RAB37: variants seen among roughly 807,000 people sequenced by gnomAD.
RAB37 encodes ras-related protein Rab-37.
Under a neutral mutation model 33.1 loss-of-function variants are expected in RAB37, and 29 were observed. The observed-to-expected ratio is 0.88, with a 90% CI of 0.65 to 1.20. The LOEUF is 1.20. Among genes scored for constraint, RAB37 ranks in the 50% most tolerant of loss-of-function variants. The pLI is 0.00. For synonymous variants in RAB37, 128 were observed against 119.5 expected (o/e 1.07, Z -0.47); for missense variants, 299 against 301.1 (o/e 0.99, Z 0.05).
intron 1 of RAB37, among the ~76,000 whole-genome samples, chr17:74,724,677 C>A (rs936590575): frequency 6.6e-6 from 1 of 152,058 alleles, no homozygotes; most frequent in African/African-American, 2.4e-5. Flanking sequence ...CAATGTTTTG[C>A]GGGCAGGGAT....
In RAB37 at chr17:74,680,419, T is replaced by G. The variant is rs979608007; in HGVS notation, c.72+8761T>G. Among the ~76,000 whole-genome samples, 11 of 152,294 alleles carry G rather than the reference T, an allele frequency of 7.2e-5. No individual in the cohort carries two copies. In the South Asian group the frequency reaches 1.4e-3, roughly 20 times the overall value. ...TGATGTTAATCAGACTCACAAGACA[T>G]GTATTGCCCTAGATGCCAAGCCACA... On this transcript the variant is annotated intron_variant, in intron 1 of 7. Transcript: ENST00000340415.
intron 1 of RAB37, chr17:74,694,854 A>G: frequency 2.4e-6 from 1 of 411,640 alleles, no homozygotes; most frequent in Non-Finnish European, 4.3e-6. Flanking sequence ...AAAGCCCCAG[A>G]GCATATCCCT....
rs772711170 is a variant in RAB37, at chr17:74,704,369, GACTCAAGTGATAGATC to G, written c.73-24881_73-24866del. On this transcript the variant is annotated intron_variant, in intron 1 of 7. Coordinates refer to the RAB37 transcript ENST00000340415. ...TCAGTCAGGGTTCTATGAGACTCGG[GACTCAAGTGATAGATC>G]ACTCAGTGACAATTAAATCACTTGA... 359 of 822,170 alleles carry G rather than the reference GACTCAAGTGATAGATC, an allele frequency of 4.4e-4. 2 individuals are homozygous for G. Among genetic ancestry groups the G allele is most frequent in the Non-Finnish European group, 1.1e-4 (59 of 517,316 alleles). 50.9% of individuals were successfully genotyped at this position (822,170 alleles called of 1,614,324 possible). A position where few individuals can be genotyped will look rare whatever the true frequency, so the allele number is the denominator to read the frequency against.
Position 74,728,847 on chromosome 17 carries a change from T to C in RAB37, c.73-409T>C, listed in dbSNP as rs548988335. Among the ~76,000 whole-genome samples the C allele has an allele frequency of 3.3e-5, 5 of 152,198 alleles. No homozygotes were observed. In the East Asian group the frequency reaches 9.7e-4, roughly 29 times the overall value. On this transcript the variant is annotated intron_variant, in intron 1 of 7. Coordinates refer to the RAB37 transcript ENST00000340415. ...TCTGTGTCTGTATGTGTCTTGTGCA[T>C]GTATGTTTCTGTGCCATGTGTGTTC...
intron 1 of RAB37, among the ~76,000 whole-genome samples, chr17:74,692,943 G>C (rs1245084570): frequency 6.6e-6 from 1 of 152,138 alleles, no homozygotes; most frequent in Non-Finnish European, 1.5e-5. Flanking sequence ...ACAGTAACTA[G>C]GCACGGGGGA....
In RAB37 at chr17:74,744,155, A is replaced by C. The variant is rs2034690727; in HGVS notation, c.367-153A>C. ...GTTGAGCCACCAAGGAAGGCCATCC[A>C]GGCCTGGATGGGCCAGAACAAAGGT... On this transcript the variant is annotated intron_variant, in intron 5 of 8. Coordinates refer to ENST00000392613, the MANE Select transcript of RAB37 (RefSeq NM_001006638.3). This position sits in a 1 kb window ranked among gnomAD's most constrained non-coding sequence, Gnocchi z 4.2. Among the ~76,000 whole-genome samples, 1 of 152,162 alleles carries C rather than the reference A, an allele frequency of 6.6e-6. No individual in the cohort carries two copies. The highest frequency in any genetic ancestry group is 1.5e-5 in the Non-Finnish European group (1 of 68,032).
At chr17:74,703,571 A>G (rs1008668961) in intron 1 of RAB37, among the ~76,000 whole-genome samples, 1 of 152,202 alleles carries the variant, frequency 6.6e-6, no homozygotes, top group African/African-American at 2.4e-5. Context: ...TGAAATCATC[A>G]TATTCAGGAA....
intron 1 of RAB37, among the ~76,000 whole-genome samples, chr17:74,727,782 C>G (rs983012497): frequency 6.6e-6 from 1 of 152,106 alleles, no homozygotes; most frequent in Non-Finnish European, 1.5e-5. Context: ...AATAGAAAAT[C>G]GAGACTTTAG....
chr17:74,725,646 C>T (rs1426166711), intron 1 of RAB37, among the ~76,000 whole-genome samples: 5 of 150,430 alleles, frequency 3.3e-5, no homozygotes, highest in Admixed American at 2.0e-4. Context: ...TTTTTTGAGA[C>T]GGAGTTTTGC....
At position 74,698,929 on chromosome 17, in the gene RAB37, A is replaced by AT. The variant is rs531894339; in HGVS notation, c.72+27278dup. ...TTGTTTTTGGTTTTCTTTGTTTTTC[A>AT]TTTTTTTGACACAGAGTCTTGCTCT... On this transcript the variant is annotated intron_variant, in intron 1 of 7. Transcript: ENST00000340415. Among the ~76,000 whole-genome samples, 5 of 152,112 alleles carry AT rather than the reference A, an allele frequency of 3.3e-5. No homozygotes were observed. In the East Asian group the frequency reaches 9.7e-4, roughly 29 times the overall value.
In RAB37 at chr17:74,730,651, C is replaced by G. The variant is rs901073551; in HGVS notation, c.183+1285C>G. Among the ~76,000 whole-genome samples, 2 of 152,168 alleles carry G rather than the reference C, an allele frequency of 1.3e-5. No homozygotes were observed. Among genetic ancestry groups the G allele is most frequent in the African/African-American group, 2.4e-5 (1 of 41,450 alleles). ...GCTGCCATGAAGCAAACCAGGATGA[C>G]CTGGTGCCAGGCGTCACCCACCCCA... is the stretch of plus-strand genomic sequence containing the variant. On this transcript the variant is annotated intron_variant, in intron 2 of 7. Transcript: ENST00000340415. This position sits in a 1 kb window ranked among gnomAD's most constrained non-coding sequence, Gnocchi z 4.4.
chr17:74,735,255 C>G (rs1311133703), upstream of RAB37, among the ~76,000 whole-genome samples: 1 of 151,912 alleles, frequency 6.6e-6, no homozygotes, highest in Non-Finnish European at 1.5e-5. Flanking sequence ...AGACCGCATA[C>G]CAGGCCAGGT....
chr17:74,681,667 T>C (rs1047243669), intron 1 of RAB37, among the ~76,000 whole-genome samples: 6 of 152,194 alleles, frequency 3.9e-5, no homozygotes, highest in Non-Finnish European at 8.8e-5. Flanking sequence ...CTCACTCTCC[T>C]TTCCCTGAAA....
chr17:74,731,323 C>A (rs1436320156), intron 2 of RAB37, among the ~76,000 whole-genome samples: 1 of 152,164 alleles, frequency 6.6e-6, no homozygotes, highest in East Asian at 1.9e-4. Flanking sequence ...GCCACAGGCT[C>A]CGCTCAGGAG....
chr17:74,680,491 A>C (rs377519040), intron 1 of RAB37, among the ~76,000 whole-genome samples: 118 of 152,194 alleles, frequency 7.8e-4, no homozygotes, highest in Non-Finnish European at 1.4e-3. Context: ...AATCCAGGGG[A>C]AAAAATGGAA....
intron 1 of RAB37, among the ~76,000 whole-genome samples, chr17:74,689,711 C>T (rs759988887): frequency 1.3e-5 from 2 of 152,172 alleles, no homozygotes; most frequent in Admixed American, 6.5e-5. Flanking sequence ...TGAAATCAAC[C>T]GATTCCAGCA....
intron 1 of RAB37, among the ~76,000 whole-genome samples, chr17:74,726,380 T>A (rs1273150017): frequency 1.3e-5 from 2 of 152,034 alleles, no homozygotes; most frequent in Admixed American, 6.6e-5. Context: ...AAGACAGGAC[T>A]GTTTCCTATG....
chr17:74,728,284 ATGTGTGTGTTC>A (rs933113345), intron 1 of RAB37, among the ~76,000 whole-genome samples: 3 of 151,098 alleles, frequency 2.0e-5, no homozygotes, highest in South Asian at 2.1e-4. Context: ...GTCTGTGTGC[ATGTGTGTGTTC>A]TGTGTGTATG....
At position 74,742,917 on chromosome 17, in the gene RAB37, G is replaced by A. The variant is rs1002072823; in HGVS notation, c.247-212G>A. On this transcript the variant is annotated intron_variant, in intron 3 of 8. Coordinates refer to ENST00000392613, the MANE Select transcript of RAB37 (RefSeq NM_001006638.3). This position sits in a 1 kb window ranked among gnomAD's most constrained non-coding sequence, Gnocchi z 4.0. Reference sequence around the variant, plus strand: ...TGGGATTACAGGTGTAAGCCACCGCGCTCGGCTGAGGAGATGATTTTGAAC... The same window carrying A: ...TGGGATTACAGGTGTAAGCCACCGCACTCGGCTGAGGAGATGATTTTGAAC... Among the ~76,000 whole-genome samples, 7 of 152,166 alleles carry A rather than the reference G, an allele frequency of 4.6e-5. No individual in the cohort carries two copies. Among genetic ancestry groups the A allele is most frequent in the African/African-American group, 7.2e-5 (3 of 41,428 alleles).
Sources: allele counts gnomAD v4.1 joint callset (sites outside exome capture counted in the v4.1 genomes callset), GRCh38; gene constraint gnomAD v4.1.1; non-coding constraint Gnocchi (gnomAD v3.1); transcripts MANE v1.5; gene names NCBI Gene and HGNC (gene_info 2026-07-23, HGNC 2026-07-21).